ZNRF1: variants seen among roughly 807,000 people sequenced by gnomAD.
ZNRF1 encodes the protein E3 ubiquitin-protein ligase ZNRF1.
ZNRF1 carries 3 observed loss-of-function variants against 18.4 expected under a neutral mutation model. The ratio of observed to expected loss-of-function variants is 0.16; its 90% CI spans 0.07 to 0.42. The LOEUF is 0.42. Ranked by LOEUF, ZNRF1 falls within the 10% of genes least tolerant of loss-of-function variation. ZNRF1 has a pLI of 0.99. For synonymous variants in ZNRF1, 157 were observed against 144.2 expected, an observed-to-expected ratio of 1.09 and a Z score of -0.64; for missense variants, 310 against 329.8, an observed-to-expected ratio of 0.94 and a Z score of 0.47.
chr16:75,093,478 T>G (rs1268167766), intron 1 of ZNRF1, 94 bp from the exon 2 acceptor site: 7 of 954,332 alleles, frequency 7.3e-6, no homozygotes, highest in African/African-American at 1.6e-5. Context: ...ACATTGACCC[T>G]GAGCCCACAT....
At chr16:75,031,934 A>T (rs972470791) in intron 1 of ZNRF1, among the ~76,000 whole-genome samples, 8 of 152,200 alleles carry the variant, frequency 5.3e-5, no homozygotes, top group African/African-American at 1.9e-4. Context: ...TTTCCAAAGG[A>T]ATTGCACAAT....
At chr16:75,098,137 A>AG (rs2036219838) in intron 2 of ZNRF1, among the ~76,000 whole-genome samples, 1 of 152,120 alleles carries the variant, frequency 6.6e-6, no homozygotes, top group Non-Finnish European at 1.5e-5. Flanking sequence ...CAGGAGGGCG[A>AG]GGAGGGGCAG....
At chr16:75,000,192 C>G (rs757703602) in intron 1 of ZNRF1, 97 bp downstream of exon 1, 1 of 1,476,554 alleles carries the variant, frequency 6.8e-7, no homozygotes, top group Admixed American at 2.0e-5. Context: ...AGTGCACGAC[C>G]GGGATCTGTC....
chr16:75,001,282 T>C (rs1597849670), intron 1 of ZNRF1, among the ~76,000 whole-genome samples: 2 of 152,172 alleles, frequency 1.3e-5, no homozygotes, highest in South Asian at 2.1e-4. Context: ...TCCCCCCCCC[T>C]GCAAATAGCC....
intron 1 of ZNRF1, among the ~76,000 whole-genome samples, chr16:75,058,946 T>C: frequency 6.6e-6 from 1 of 152,228 alleles, no homozygotes; most frequent in East Asian, 1.9e-4. Context: ...TCCAAGGGGC[T>C]GCTACCCGCC....
chr16:75,062,352 G>C (rs1471927417), intron 1 of ZNRF1, among the ~76,000 whole-genome samples: 3 of 152,272 alleles, frequency 2.0e-5, no homozygotes, highest in Non-Finnish European at 2.9e-5. Context: ...GAAGGCAGCT[G>C]AGAAGTTTCC....
intron 1 of ZNRF1, among the ~76,000 whole-genome samples, chr16:75,029,666 G>T (rs1274257885): frequency 6.6e-6 from 1 of 151,930 alleles, no homozygotes; most frequent in Non-Finnish European, 1.5e-5. Context: ...CTGAGGCTGA[G>T]GCTGAGCTTG....
chr16:75,065,596 C>G (rs1211715714), intron 1 of ZNRF1, among the ~76,000 whole-genome samples: 2 of 152,212 alleles, frequency 1.3e-5, no homozygotes, highest in Non-Finnish European at 2.9e-5. Flanking sequence ...CTTATCCCTT[C>G]TTCTGCCCTG....
At chr16:75,095,351 G>GTGA (rs2036185345) in intron 2 of ZNRF1, among the ~76,000 whole-genome samples, 2 of 152,056 alleles carry the variant, frequency 1.3e-5, no homozygotes, top group Admixed American at 6.5e-5. Flanking sequence ...CACATGTGCT[G>GTGA]CAGGCTTCGC....
At chr16:75,097,623 C>G (rs1292366411) in intron 2 of ZNRF1, among the ~76,000 whole-genome samples, 2 of 152,094 alleles carry the variant, frequency 1.3e-5, no homozygotes, top group African/African-American at 4.8e-5. Context: ...AATTTGAAAC[C>G]AGCCTGGGCA....
chr16:75,033,677 TCTGTTTC>T (rs2035337565), intron 1 of ZNRF1, among the ~76,000 whole-genome samples: 1 of 152,164 alleles, frequency 6.6e-6, no homozygotes, highest in Admixed American at 6.6e-5. Context: ...CCTCAAGTGA[TCTGTTTC>T]CCTCGGCCTC....
At chr16:75,095,629 G>T in intron 2 of ZNRF1, 1 of 1,549,986 alleles carries the variant, frequency 6.5e-7, no homozygotes. Context: ...GAGGGGCTCA[G>T]CCTGAGAAAA....
chr16:75,097,529 C>T (rs1287881602), intron 2 of ZNRF1, among the ~76,000 whole-genome samples: 1 of 152,154 alleles, frequency 6.6e-6, no homozygotes, highest in Non-Finnish European at 1.5e-5. Flanking sequence ...CACAAGCTGT[C>T]TTTTAAAGGC....
At chr16:75,099,072 C>CG (rs2036229135) in intron 2 of ZNRF1, among the ~76,000 whole-genome samples, 1 of 152,156 alleles carries the variant, frequency 6.6e-6, no homozygotes, top group Non-Finnish European at 1.5e-5. Flanking sequence ...GCCTGTGAGA[C>CG]GGGTGGTGTT....
chr16:75,063,874 C>T (rs1336124882), intron 1 of ZNRF1, among the ~76,000 whole-genome samples: 2 of 152,192 alleles, frequency 1.3e-5, no homozygotes, highest in South Asian at 2.1e-4. Flanking sequence ...TGTGACCTCC[C>T]TGTGTGTATC....
chr16:75,041,951 A>T (rs867971824), intron 1 of ZNRF1, among the ~76,000 whole-genome samples: 1 of 152,092 alleles, frequency 6.6e-6, no homozygotes, highest in Non-Finnish European at 1.5e-5. Context: ...AGCTGAGATC[A>T]TGCCACTGCA....
At chr16:75,000,121 C>T (rs772400944) in intron 1 of ZNRF1, 26 bp downstream of exon 1, 3 of 1,586,420 alleles carry the variant, frequency 1.9e-6, no homozygotes, top group East Asian at 2.3e-5. Flanking sequence ...GTGGAGGCCT[C>T]GGAGGGAGGG....
At chr16:75,041,134 A>G (rs1051687641) in intron 1 of ZNRF1, among the ~76,000 whole-genome samples, 3 of 152,246 alleles carry the variant, frequency 2.0e-5, no homozygotes, top group Non-Finnish European at 4.4e-5. Context: ...AAGATTCCAT[A>G]TGAGAAGTTT....
intron 1 of ZNRF1, chr16:75,002,226 T>C (rs928956267): frequency 6.6e-6 from 1 of 152,254 alleles, no homozygotes; most frequent in African/African-American, 2.4e-5. Flanking sequence ...TGGCTTTTCC[T>C]GTGCATTTCA....
Sources: gnomAD v4.1 joint callset for allele counts (sites outside exome capture counted in the v4.1 genomes callset) on GRCh38, gnomAD v4.1.1 for gene constraint, MANE v1.5 for transcripts, NCBI Gene and HGNC (gene_info 2026-07-23, HGNC 2026-07-21) for gene names.